Variants in GNGT2 observed in about 807,000 individuals in gnomAD.
The protein encoded by GNGT2 is G protein subunit gamma transducin 2, also known as guanine nucleotide-binding protein G(I)/G(S)/G(O) subunit gamma-T2.
A neutral mutation model predicts 3.5 loss-of-function variants in GNGT2; 4 were observed. The observed-to-expected ratio is 1.13, with a 90% CI of 0.56 to 2.59. GNGT2 has a LOEUF of 2.59. Among genes scored for constraint, GNGT2 ranks in the 30% most tolerant of loss-of-function variants. The pLI, the probability that GNGT2 is intolerant of heterozygous loss-of-function variation, is 0.02. For missense variants in GNGT2, 64 were observed against 81.2 expected (o/e 0.79, Z 0.82); for synonymous variants, 31 against 29.5 (o/e 1.05, Z -0.17).
At chr17:49,207,722 C>T (rs949315050) in intron 2 of GNGT2, among the ~76,000 whole-genome samples, 1 of 152,186 alleles carries the variant, frequency 6.6e-6, no homozygotes, top group African/African-American at 2.4e-5. Flanking sequence ...ATCTGTCTGT[C>T]TGTCTACAGA....
At chr17:49,208,654 G>A (rs953232178) in intron 2 of GNGT2, among the ~76,000 whole-genome samples, 191 bp downstream of exon 2, 14 of 151,982 alleles carry the variant, frequency 9.2e-5, no homozygotes, top group Non-Finnish European at 1.9e-4. Context: ...TGGGTACTAA[G>A]AAAATAATGT....
chr17:49,207,808 T>C (rs2043119755), intron 2 of GNGT2, among the ~76,000 whole-genome samples: 1 of 152,186 alleles, frequency 6.6e-6, no homozygotes, highest in Non-Finnish European at 1.5e-5. Context: ...TTTCATATAG[T>C]GACTCAGAGT....
rs2043145725 is a variant in GNGT2 at position 49,210,050 on chromosome 17, T to C, written c.-133+394A>G. On this transcript the variant is annotated intron_variant, in intron 1 of 3. Transcript: ENST00000507680. This position sits in a 1 kb window ranked among gnomAD's most constrained non-coding sequence, Gnocchi z 4.2. Reference sequence around the variant, plus strand: ...GTCCTGCCTTCATCTGCACAGAGCGTGTAGGGCAGATCTTCATCACACACA... The same window carrying C: ...GTCCTGCCTTCATCTGCACAGAGCGCGTAGGGCAGATCTTCATCACACACA... Among the ~76,000 whole-genome samples the C allele has an allele frequency of 6.6e-6, 1 of 152,184 alleles. No individual in the cohort carries two copies. The highest frequency in any genetic ancestry group is 6.5e-5 in the Admixed American group (1 of 15,282).
chr17:49,208,291 T>C (rs2043123509), intron 2 of GNGT2, among the ~76,000 whole-genome samples: 1 of 151,868 alleles, frequency 6.6e-6, no homozygotes, highest in African/African-American at 2.4e-5. Flanking sequence ...TGAAACCCCA[T>C]CTCTACTAAA....
intron 1 of GNGT2, chr17:49,209,161 C>T (rs564373956): frequency 2.0e-5 from 3 of 152,586 alleles, no homozygotes; most frequent in Admixed American, 6.5e-5. Flanking sequence ...AGCTTAGAGC[C>T]CGCAGCGCTT....
Position 49,210,176 on chromosome 17 carries a change from A to G in GNGT2, c.-133+268T>C, listed in dbSNP as rs898268178. 1 of 151,630 alleles carries G rather than the reference A, an allele frequency of 6.6e-6. No individual in the cohort carries two copies. Among genetic ancestry groups the G allele is most frequent in the Non-Finnish European group, 1.5e-5 (1 of 68,094 alleles). The allele number at this position is 151,630 out of a possible 1,614,324, so 9.4% of individuals were successfully genotyped here. On this transcript the variant is annotated intron_variant, in intron 1 of 3. Transcript: ENST00000507680. The surrounding 1 kb of genome is among the most constrained non-coding windows in gnomAD (Gnocchi z 4.2). The stretch of plus-strand genomic sequence containing the variant: ...CTTGCTGCCGCATCGGCTGTTTTCT[A>G]TTTTTGCTGTGCTGCTGCCCCACAG...
chr17:49,208,702 A>G (rs1567878280), intron 2 of GNGT2, 143 bp downstream of exon 2: 4 of 152,156 alleles, frequency 2.6e-5, no homozygotes, highest in Admixed American at 2.0e-4. Context: ...GCACATAATG[A>G]ACACTTAATA....
chr17:49,206,459 G>T lies in GNGT2; in HGVS notation c.*298C>A. On this transcript the variant is annotated 3_prime_UTR_variant, in exon 4 of 4. Coordinates refer to ENST00000507680, the MANE Select transcript of GNGT2 (RefSeq NM_001198754.2). ...AAGTGCTTCCTAAGGACTGCCCTCT[G>T]GGGTCTTGGGGTATTGCAGGCTTCT... The T allele has an allele frequency of 2.9e-6, 1 of 339,460 alleles. No individual in the cohort carries two copies. The highest frequency in any genetic ancestry group is 7.2e-5 in the East Asian group (1 of 13,986). The allele number at this position is 339,460 out of a possible 1,614,324, so 21.0% of individuals were successfully genotyped here. A position where few individuals can be genotyped will look rare whatever the true frequency, so the allele number is the denominator to read the frequency against.
Position 49,206,614 on chromosome 17 carries a change from G to T in GNGT2, c.*143C>A, listed in dbSNP as rs552013035. ...GAAAAGAGTTGAAGGTGGGAGTGGG[G>T]AATGGGTTCACAATGCATTTGTTCA... On this transcript the variant is annotated 3_prime_UTR_variant, in exon 4 of 4. Transcript: ENST00000507680. The T allele has an allele frequency of 1.2e-5, 9 of 726,184 alleles. No individual in the cohort carries two copies. In the South Asian group the frequency reaches 1.6e-4, roughly 13 times the overall value. The allele number at this position is 726,184 out of a possible 1,614,324, so 45.0% of individuals were successfully genotyped here. A position where few individuals can be genotyped will look rare whatever the true frequency, so the allele number is the denominator to read the frequency against.
intron 2 of GNGT2, among the ~76,000 whole-genome samples, chr17:49,208,364 G>A (rs1226773565): frequency 2.0e-5 from 3 of 151,850 alleles, no homozygotes; most frequent in African/African-American, 7.3e-5. Flanking sequence ...AGCGGGCTGA[G>A]GCAGGAGAAT....
At chr17:49,208,671 AATATT>A (rs1337662864) in intron 2 of GNGT2, among the ~76,000 whole-genome samples, 169 bp downstream of exon 2, 2 of 152,116 alleles carry the variant, frequency 1.3e-5, no homozygotes, top group African/African-American at 4.8e-5. Context: ...ATGTCTATAA[AATATT>A]ATAATATACT....
chr17:49,207,322 G>C lies in GNGT2; in HGVS notation c.84+17C>G, dbSNP rs368058968. The stretch of plus-strand genomic sequence containing the variant: ...GGAACAGGAAGGGAAGAGCAGGGAC[G>C]GGGCGAGGAGGCTCACCGGAATTCT... On this transcript the variant is annotated intron_variant, in intron 3 of 3. Coordinates refer to ENST00000507680, the MANE Select transcript of GNGT2 (RefSeq NM_001198754.2). 53 of 1,577,610 alleles carry C rather than the reference G, an allele frequency of 3.4e-5. No individual in the cohort carries two copies. Among genetic ancestry groups the C allele is most frequent in the Non-Finnish European group, 4.4e-5 (51 of 1,146,836 alleles).
At chr17:49,208,156 C>A (rs781433430) in intron 2 of GNGT2, among the ~76,000 whole-genome samples, 6 of 150,642 alleles carry the variant, frequency 4.0e-5, no homozygotes, top group Non-Finnish European at 5.9e-5. Flanking sequence ...CAGAGAACAA[C>A]TGTTTCAAAA....
rs534482384 is a variant in GNGT2, at chr17:49,206,775, A to G, written c.192T>C (p.Gly64=). 126 of 1,613,460 alleles carry G rather than the reference A, an allele frequency of 7.8e-5. 1 individual carries two copies. The South Asian group carries it at 1.3e-3, about 16-fold the overall frequency. The change falls in exon 4 of 4, where the codon GGT becomes GGC. Residue 64 remains glycine, a synonymous_variant. Coordinates refer to ENST00000507680, the MANE Select transcript of GNGT2 (RefSeq NM_001198754.2). ...PEDKNPFKEK[G]GCLIS is the part of the protein sequence containing the mutation. ...CATGCCATCAGCTTATCAGACAGCC[A>G]CCTTTCTCCTTGAAGGGATTCTTGT...
chr17:49,208,240 C>A (rs1176955999), intron 2 of GNGT2, among the ~76,000 whole-genome samples: 1 of 152,074 alleles, frequency 6.6e-6, no homozygotes, highest in Non-Finnish European at 1.5e-5. Flanking sequence ...ACAGGCAGAT[C>A]ACCTGAGGTT....
At chr17:49,209,331 C>T (rs191086848) in intron 1 of GNGT2, 1 of 152,490 alleles carries the variant, frequency 6.6e-6, no homozygotes, top group African/African-American at 2.4e-5. Context: ...TTGTGTTGCC[C>T]ATTGGATCCC....
At chr17:49,208,619 A>G (rs1477651042) in intron 2 of GNGT2, among the ~76,000 whole-genome samples, 1 of 152,192 alleles carries the variant, frequency 6.6e-6, no homozygotes, top group Non-Finnish European at 1.5e-5. Flanking sequence ...TGGGTATTAA[A>G]AAAACCTACC....
At position 49,206,839 on chromosome 17, in the gene GNGT2, T is replaced by C; in HGVS notation, c.128A>G (p.Gln43Arg). Residue 43 changes from glutamine (Q) to arginine (R), a missense_variant, in exon 4 of 4, where the codon CAA becomes CGA. Physicochemically the swap from Gln to Arg is conservative, Grantham distance 43. Transcript: ENST00000507680. ...GKEIKEYVEA[Q>R]AGNDPFLKGI... is the part of the protein sequence containing the mutation. ...TTTGAGAAAAGGATCGTTTCCTGCT[T>C]GGGCCTCCACGTACTCCTTGATTTC... 6.2e-7 allele frequency: 1 copy of C among 1,613,728 alleles called. No individual in the cohort carries two copies. Among genetic ancestry groups the C allele is most frequent in the Non-Finnish European group, 8.5e-7 (1 of 1,179,754 alleles).
Position 49,210,535 on chromosome 17 carries a change from A to G in GNGT2, c.-224T>C. ...CTCTGGGCAGGGGACAGAGAGACAC[A>G]GGCTCGGGGAGCAGGACTGACTTCC... is the stretch of plus-strand genomic sequence containing the variant. On this transcript the variant is annotated 5_prime_UTR_variant, in exon 1 of 4. Transcript: ENST00000507680. This position sits in a 1 kb window ranked among gnomAD's most constrained non-coding sequence, Gnocchi z 4.2. 1.9e-6 allele frequency: 1 copy of G among 516,824 alleles called. No individual in the cohort carries two copies. The allele number at this position is 516,824 out of a possible 1,614,324, so 32.0% of individuals were successfully genotyped here.
Sources: gnomAD v4.1 joint callset for allele counts (sites outside exome capture counted in the v4.1 genomes callset) on GRCh38, gnomAD v4.1.1 for gene constraint, Gnocchi (gnomAD v3.1) non-coding constraint, MANE v1.5 for transcripts, NCBI Gene and HGNC (gene_info 2026-07-23, HGNC 2026-07-21) for gene names.